GRIN2A: variants seen among roughly 807,000 people sequenced by gnomAD.
GRIN2A encodes the protein glutamate ionotropic receptor NMDA type subunit 2A.
A neutral mutation model predicts 113.4 loss-of-function variants in GRIN2A; 22 were observed. That is an observed-to-expected ratio of 0.19 (90% CI 0.14 to 0.28). GRIN2A has a LOEUF of 0.28. Ranked by LOEUF, GRIN2A falls within the 10% of genes least tolerant of loss-of-function variation. The pLI is 1.00. For missense variants in GRIN2A, 1,502 were observed against 1,887.0 expected (o/e 0.80, Z 3.78); for synonymous variants, 827 against 738.4 (o/e 1.12, Z -1.94).
intron 5 of GRIN2A, among the ~76,000 whole-genome samples, chr16:9,847,233 A>C (rs981366131): frequency 6.6e-5 from 10 of 152,166 alleles, no homozygotes; most frequent in Non-Finnish European, 2.9e-5. Flanking sequence ...GGACAGCCAG[A>C]AAAGTGGAAA....
intron 2 of GRIN2A, among the ~76,000 whole-genome samples, chr16:10,090,740 G>C (rs951414573): frequency 3.3e-5 from 5 of 151,972 alleles, no homozygotes; most frequent in African/African-American, 1.2e-4. Flanking sequence ...ACACCATTAA[G>C]AATAAAAAGA....
intron 11 of GRIN2A, among the ~76,000 whole-genome samples, chr16:9,773,189 TTC>T (rs1237503915): frequency 1.3e-5 from 2 of 152,214 alleles, no homozygotes; most frequent in Non-Finnish European, 2.9e-5. Flanking sequence ...TATTTTCTGT[TTC>T]TGTTTCTTTT....
At chr16:9,877,333 C>T (rs997857983) in intron 4 of GRIN2A, among the ~76,000 whole-genome samples, 2 of 152,120 alleles carry the variant, frequency 1.3e-5, no homozygotes, top group African/African-American at 4.8e-5. Flanking sequence ...AATCTCCTTC[C>T]TCTACTTGCT....
intron 4 of GRIN2A, among the ~76,000 whole-genome samples, chr16:9,850,884 T>C (rs2042871537): frequency 6.6e-6 from 1 of 152,176 alleles, no homozygotes. Flanking sequence ...GCTATTCACA[T>C]ACACGCTGGG....
At chr16:10,000,511 T>C (rs2046301065) in intron 2 of GRIN2A, among the ~76,000 whole-genome samples, 1 of 152,114 alleles carries the variant, frequency 6.6e-6, no homozygotes, top group South Asian at 2.1e-4. Flanking sequence ...TTGTTGGAAG[T>C]CCTAAGCAGT....
chr16:10,044,151 C>A lies in GRIN2A; in HGVS notation c.415-105600G>T, dbSNP rs987429969. On this transcript the variant is annotated intron_variant, in intron 2 of 12. Coordinates refer to ENST00000330684, the MANE Select transcript of GRIN2A (RefSeq NM_001134407.3). ...TCACTGCAACCTCTGCCTCCCAGGT[C>A]CCGGTTCAAGCAATTCTCCCGCCTC... Among the ~76,000 whole-genome samples, 3 of 151,418 alleles carry A rather than the reference C, an allele frequency of 2.0e-5. No homozygotes were observed. The East Asian group carries it at 5.9e-4, about 30-fold the overall frequency.
chr16:9,872,015 A>G (rs2043271331), intron 4 of GRIN2A, among the ~76,000 whole-genome samples: 1 of 152,190 alleles, frequency 6.6e-6, no homozygotes, highest in African/African-American at 2.4e-5. Flanking sequence ...CTCATTTATA[A>G]AATAGGGGCA....
intron 4 of GRIN2A, among the ~76,000 whole-genome samples, chr16:9,889,055 T>G (rs2043642738): frequency 6.6e-6 from 1 of 152,162 alleles, no homozygotes; most frequent in Non-Finnish European, 1.5e-5. Flanking sequence ...TAAATGTTTG[T>G]TATAGATAGA....
intron 2 of GRIN2A, among the ~76,000 whole-genome samples, chr16:10,156,525 A>C (rs2049698098): frequency 6.6e-6 from 1 of 152,184 alleles, no homozygotes; most frequent in South Asian, 2.1e-4. Flanking sequence ...TATACTGGGC[A>C]CTGAGGGGAG....
chr16:9,892,975 G>C (rs985271167), intron 3 of GRIN2A, among the ~76,000 whole-genome samples: 5 of 150,812 alleles, frequency 3.3e-5, no homozygotes, highest in African/African-American at 1.2e-4. Flanking sequence ...AGAGAACTAG[G>C]CTACAAGAAA....
At chr16:9,956,020 T>C (rs2045300214) in intron 2 of GRIN2A, among the ~76,000 whole-genome samples, 1 of 152,184 alleles carries the variant, frequency 6.6e-6, no homozygotes, top group South Asian at 2.1e-4. Flanking sequence ...GCAACATCCT[T>C]GTAAAGTTCT....
intron 10 of GRIN2A, among the ~76,000 whole-genome samples, chr16:9,821,793 T>A (rs772479514): frequency 6.6e-6 from 1 of 152,140 alleles, no homozygotes; most frequent in Non-Finnish European, 1.5e-5. Flanking sequence ...ATGATTTGAG[T>A]TCTCATTGCT....
intron 2 of GRIN2A, among the ~76,000 whole-genome samples, chr16:10,098,394 G>C (rs748782408): frequency 7.2e-5 from 11 of 152,330 alleles, no homozygotes; most frequent in Admixed American, 1.3e-4. Flanking sequence ...AAACAGTGTG[G>C]AGATAGCTTA....
chr16:9,864,653 A>G (rs2043130822), intron 4 of GRIN2A, among the ~76,000 whole-genome samples: 1 of 152,200 alleles, frequency 6.6e-6, no homozygotes, highest in African/African-American at 2.4e-5. Flanking sequence ...TCAGCCCTGA[A>G]CATTCAAAGT....
chr16:9,798,204 A>C, intron 11 of GRIN2A, 73 bp downstream of exon 11: 1 of 1,210,074 alleles, frequency 8.3e-7, no homozygotes, highest in Non-Finnish European at 1.2e-6. Context: ...ATCCACTGGG[A>C]AGCCCAGGAG....
chr16:10,089,099 T>C (rs2048137158), intron 2 of GRIN2A, among the ~76,000 whole-genome samples: 1 of 152,216 alleles, frequency 6.6e-6, no homozygotes, highest in Non-Finnish European at 1.5e-5. Flanking sequence ...AATATATCCA[T>C]AGCATTTAAA....
At chr16:10,080,190 T>C (rs1016906523) in intron 2 of GRIN2A, among the ~76,000 whole-genome samples, 1 of 152,222 alleles carries the variant, frequency 6.6e-6, no homozygotes, top group African/African-American at 2.4e-5. Context: ...GATTTGCCTC[T>C]GTAAGGTCCC....
Position 10,095,412 on chromosome 16 carries a change from A to G in GRIN2A, c.414+84586T>C, listed in dbSNP as rs575769840. 3.3e-5 allele frequency among the ~76,000 whole-genome samples: 5 copies of G among 152,324 alleles called. No homozygotes were observed. The East Asian group carries it at 7.7e-4, about 23-fold the overall frequency. On this transcript the variant is annotated intron_variant, in intron 2 of 12. Coordinates refer to ENST00000330684, the MANE Select transcript of GRIN2A (RefSeq NM_001134407.3). ...ATATAAATAACGACAGTAATGGATT[A>G]TAACCCACTGTAAAATTAAGAATCT...
intron 2 of GRIN2A, among the ~76,000 whole-genome samples, chr16:10,138,232 G>T (rs1372567828): frequency 6.6e-6 from 1 of 152,202 alleles, no homozygotes; most frequent in East Asian, 1.9e-4. Context: ...GTCAGAGAGG[G>T]CTGAGTTTGA....
Sources: allele counts gnomAD v4.1 joint callset (sites outside exome capture counted in the v4.1 genomes callset), GRCh38; gene constraint gnomAD v4.1.1; transcripts MANE v1.5; gene names NCBI Gene and HGNC (gene_info 2026-07-23, HGNC 2026-07-21).